Variants in GAB1 observed in about 807,000 individuals in gnomAD.
GAB1 encodes the protein GRB2-associated-binding protein 1.
A neutral mutation model predicts 66.5 loss-of-function variants in GAB1; 19 were observed. The ratio of observed to expected loss-of-function variants is 0.29; its 90% CI spans 0.20 to 0.42. The LOEUF (loss-of-function observed/expected upper bound fraction) is 0.42, where lower values mean the gene tolerates loss of function less well. Ranked by LOEUF, GAB1 falls within the 10% of genes least tolerant of loss-of-function variation. The pLI is 1.00. For missense variants in GAB1, 732 were observed against 858.5 expected (o/e 0.85, Z 1.84); for synonymous variants, 294 against 301.4 (o/e 0.98, Z 0.25).
chr4:143,371,133 C>T (rs1021105382), intron 1 of GAB1, among the ~76,000 whole-genome samples: 2 of 152,072 alleles, frequency 1.3e-5, no homozygotes, highest in African/African-American at 4.8e-5. Context: ...CACTGACTTC[C>T]ACAATGGTTG....
chr4:143,423,871 T>A (rs1251898793), intron 2 of GAB1, among the ~76,000 whole-genome samples: 56 of 140,690 alleles, frequency 4.0e-4, no homozygotes, highest in African/African-American at 1.3e-3. Flanking sequence ...TATTTTTTTT[T>A]TAAAAAAAAG....
At chr4:143,370,095 C>A (rs1388370750) in intron 1 of GAB1, among the ~76,000 whole-genome samples, 1 of 152,100 alleles carries the variant, frequency 6.6e-6, no homozygotes, top group Non-Finnish European at 1.5e-5. Context: ...ATGGCACACA[C>A]AAGTTGGATA....
At chr4:143,390,398 T>G (rs927866323) in intron 1 of GAB1, among the ~76,000 whole-genome samples, 2 of 151,886 alleles carry the variant, frequency 1.3e-5, no homozygotes, top group African/African-American at 4.8e-5. Flanking sequence ...ATTTGTAAAG[T>G]AATAAGTAGG....
intron 1 of GAB1, among the ~76,000 whole-genome samples, chr4:143,375,080 T>C (rs1275301042): frequency 6.6e-6 from 1 of 152,082 alleles, no homozygotes; most frequent in Non-Finnish European, 1.5e-5. Flanking sequence ...CCTGAATAGC[T>C]GGAATTATAG....
intron 1 of GAB1, among the ~76,000 whole-genome samples, chr4:143,387,227 G>A (rs1017827987): frequency 6.6e-6 from 1 of 152,196 alleles, no homozygotes; most frequent in African/African-American, 2.4e-5. Flanking sequence ...TGCCTCCTGG[G>A]TTCAAGCAAT....
chr4:143,440,755 G>A (rs1734186561), intron 6 of GAB1, among the ~76,000 whole-genome samples: 1 of 152,096 alleles, frequency 6.6e-6, no homozygotes, highest in Non-Finnish European at 1.5e-5. Context: ...CACCCATGCA[G>A]GCAAATCTTC....
At chr4:143,425,025 G>T in intron 2 of GAB1, 1 of 735,698 alleles carries the variant, frequency 1.4e-6, no homozygotes, top group South Asian at 1.4e-5. Flanking sequence ...CTGGATTCCC[G>T]TTGTAACTTA....
At chr4:143,435,850 C>G (rs1733914221) in intron 3 of GAB1, among the ~76,000 whole-genome samples, 1 of 152,182 alleles carries the variant, frequency 6.6e-6, no homozygotes, top group East Asian at 1.9e-4. Context: ...ATGTGCTCCT[C>G]TAGGAAGCAT....
In GAB1 at chr4:143,469,352, G is replaced by A; in HGVS notation, c.*163G>A. On this transcript the variant is annotated 3_prime_UTR_variant, in exon 10 of 10. Transcript: ENST00000262994. ...ATCAAGCAATTTAGACTTAAGTGGTGCTTTGTGGTATCTGAACAATTCATA... is the reference window on the plus strand; with the variant it reads ...ATCAAGCAATTTAGACTTAAGTGGTACTTTGTGGTATCTGAACAATTCATA... 1.6e-6 allele frequency: 1 copy of A among 640,810 alleles called. No homozygotes were observed. Among genetic ancestry groups the A allele is most frequent in the Non-Finnish European group, 2.7e-6 (1 of 377,254 alleles). The allele number at this position is 640,810 out of a possible 1,614,324, so 39.7% of individuals were successfully genotyped here.
chr4:143,374,508 A>G (rs1460928251), intron 1 of GAB1, among the ~76,000 whole-genome samples: 4 of 152,138 alleles, frequency 2.6e-5, no homozygotes, highest in Admixed American at 6.5e-5. Flanking sequence ...TAGATTTGAC[A>G]TTTGCTTGAA....
In GAB1 at chr4:143,471,709, AC is replaced by A. The variant is rs1368527197; in HGVS notation, c.*2521del. 1 of 152,358 alleles carries A rather than the reference AC, an allele frequency of 6.6e-6. No homozygotes were observed. 9.4% of individuals were successfully genotyped at this position (152,358 alleles called of 1,614,324 possible). A position where few individuals can be genotyped will look rare whatever the true frequency, so the allele number is the denominator to read the frequency against. On this transcript the variant is annotated 3_prime_UTR_variant, in exon 10 of 10. Transcript: ENST00000262994. ...AGCAAAAATAATAGGTTTTAAACAT[AC>A]ATCTCAGGAAATTCTTTAATTAGAG...
At chr4:143,414,553 C>T (rs1732576272) in intron 1 of GAB1, among the ~76,000 whole-genome samples, 1 of 152,044 alleles carries the variant, frequency 6.6e-6, no homozygotes, top group African/African-American at 2.4e-5. Context: ...AGGTCTTACT[C>T]GTATAGTCTT....
chr4:143,386,932 AT>A (rs1407260504), intron 1 of GAB1, among the ~76,000 whole-genome samples: 2 of 152,206 alleles, frequency 1.3e-5, no homozygotes, highest in Middle Eastern at 3.4e-3. Context: ...TTTACAGAAG[AT>A]TTTTTTGTTG....
rs1017726616 is a variant in GAB1 at position 143,415,530 on chromosome 4, A to T, written c.126A>T (p.Pro42=). 1.2e-6 allele frequency: 2 copies of T among 1,613,592 alleles called. No individual in the cohort carries two copies. The highest frequency in any genetic ancestry group is 3.3e-5 in the Admixed American group (2 of 60,006). Residue 42 remains proline (P), a synonymous_variant, in exon 2 of 10, where the codon CCA becomes CCT. Coordinates refer to ENST00000262994, the MANE Select transcript of GAB1 (RefSeq NM_002039.4). ...VLRSGRLTGD[P]DVLEYYKNDH... ...GCAGTGGCCGTTTAACTGGAGATCC[A>T]GATGTTTTGGAATATTACAAAAATG... is the stretch of plus-strand genomic sequence containing the variant.
At chr4:143,432,263 A>G (rs1370779131) in intron 2 of GAB1, among the ~76,000 whole-genome samples, 1 of 152,176 alleles carries the variant, frequency 6.6e-6, no homozygotes, top group Non-Finnish European at 1.5e-5. Context: ...CTCAGAAGAA[A>G]TCTGAAGACA....
chr4:143,438,099 A>T lies in GAB1; in HGVS notation c.694A>T (p.Met232Leu), dbSNP rs765294071. The T allele has an allele frequency of 2.5e-6, 4 of 1,614,102 alleles. No homozygotes were observed. Among genetic ancestry groups the T allele is most frequent in the African/African-American group, 1.3e-5 (1 of 75,048 alleles). Residue 232 changes from methionine to leucine, a missense_variant, in exon 4 of 10, where the codon ATG (methionine) becomes TTG (leucine). Around this residue, in one of 4 missense-constraint regions of GAB1, gnomAD observed 427 missense variants for 420.6 expected, o/e 1.02. Transcript: ENST00000262994. Reference sequence around the variant, plus strand: ...TGCTTCCTCCCAGAGCAAACATGGAATGAATGGCTTTTTTCAGCAGCAAAT... The same window carrying T: ...TGCTTCCTCCCAGAGCAAACATGGATTGAATGGCTTTTTTCAGCAGCAAAT... ...NPASSQSKHGMNGFFQQQMIY... is the reference protein window; with the variant it reads ...NPASSQSKHGLNGFFQQQMIY...
At chr4:143,450,780 A>G (rs1403806647) in intron 6 of GAB1, among the ~76,000 whole-genome samples, 1 of 152,108 alleles carries the variant, frequency 6.6e-6, no homozygotes, top group Non-Finnish European at 1.5e-5. Flanking sequence ...AATCCCAGCT[A>G]CTTGGGAGGC....
intron 1 of GAB1, among the ~76,000 whole-genome samples, chr4:143,388,643 G>C (rs1335806534): frequency 6.6e-6 from 1 of 152,076 alleles, no homozygotes; most frequent in African/African-American, 2.4e-5. Context: ...TCGAACTCCC[G>C]ACCTCAGGTG....
chr4:143,337,171 G>A lies in GAB1; in HGVS notation c.-18G>A, dbSNP rs374296210. On this transcript the variant is annotated 5_prime_UTR_variant, in exon 1 of 10. Coordinates refer to ENST00000262994, the MANE Select transcript of GAB1 (RefSeq NM_002039.4). ...CCGCCCCTCAGCTGCCCGGCCCGGA[G>A]CCCGAGACGCGCGCACCATGAGCGG... 6.4e-7 allele frequency: 1 copy of A among 1,565,804 alleles called. No individual in the cohort carries two copies. The highest frequency in any genetic ancestry group is 1.4e-5 in the African/African-American group (1 of 74,026).
Sources: allele counts gnomAD v4.1 joint callset (sites outside exome capture counted in the v4.1 genomes callset), GRCh38; gene constraint gnomAD v4.1.1; regional missense constraint gnomAD v4.1.1; transcripts MANE v1.5; gene names NCBI Gene and HGNC (gene_info 2026-07-23, HGNC 2026-07-21).